The following MGAT4C variants were observed in gnomAD, a reference collection of about 807,000 sequenced individuals.
The protein encoded by MGAT4C is MGAT4 family member C, also known as alpha-1,3-mannosyl-glycoprotein 4-beta-N-acetylglucosaminyltransferase C.
MGAT4C carries 19 observed loss-of-function variants against 40.1 expected under a neutral mutation model. The ratio of observed to expected loss-of-function variants is 0.47; its 90% CI spans 0.33 to 0.70. The LOEUF (loss-of-function observed/expected upper bound fraction) is 0.70. Ranked by LOEUF, MGAT4C falls within the 30% of genes least tolerant of loss-of-function variation. MGAT4C has a pLI of 0.02. For missense variants in MGAT4C, 491 were observed against 563.2 expected (o/e 0.87, Z 1.30); for synonymous variants, 181 against 187.1 (o/e 0.97, Z 0.27).
intron 2 of MGAT4C, among the ~76,000 whole-genome samples, chr12:86,483,520 G>A (rs1287013364): frequency 6.6e-6 from 1 of 151,980 alleles, no homozygotes; most frequent in African/African-American, 2.4e-5. Context: ...TTTGTGGAGT[G>A]CAAATTATTG....
intron 3 of MGAT4C, among the ~76,000 whole-genome samples, chr12:86,420,916 T>C (rs1262363634): frequency 1.3e-5 from 2 of 151,290 alleles, no homozygotes; most frequent in African/African-American, 4.8e-5. Context: ...TATATGTGTA[T>C]ATATACATAC....
intron 3 of MGAT4C, among the ~76,000 whole-genome samples, chr12:86,353,930 G>A (rs1278510103): frequency 6.6e-6 from 1 of 152,096 alleles, no homozygotes; most frequent in Admixed American, 6.6e-5. Context: ...CCGGTATTTA[G>A]AGAGTACAAG....
intron 2 of MGAT4C, among the ~76,000 whole-genome samples, chr12:86,603,742 T>C (rs1204067603): frequency 2.3e-5 from 3 of 131,982 alleles, no homozygotes; most frequent in Non-Finnish European, 3.1e-5. Context: ...TTATATATAC[T>C]ATATATTATA....
intron 2 of MGAT4C, among the ~76,000 whole-genome samples, chr12:86,674,823 A>T (rs1443949839): frequency 6.6e-6 from 1 of 152,204 alleles, no homozygotes; most frequent in African/African-American, 2.4e-5. Context: ...GTAAATAGTA[A>T]CCACTTTTAT....
At chr12:86,619,990 G>A (rs770983470) in intron 2 of MGAT4C, among the ~76,000 whole-genome samples, 3 of 152,044 alleles carry the variant, frequency 2.0e-5, no homozygotes, top group East Asian at 3.8e-4. Flanking sequence ...GCCAAGAAAC[G>A]TGAATAAAAT....
intron 3 of MGAT4C, among the ~76,000 whole-genome samples, chr12:86,359,744 T>C (rs1038076738): frequency 6.6e-6 from 1 of 151,968 alleles, no homozygotes; most frequent in Non-Finnish European, 1.5e-5. Context: ...AAATGGAAAA[T>C]TCCTGGACAC....
chr12:86,668,200 A>G (rs1405257177), intron 2 of MGAT4C, among the ~76,000 whole-genome samples: 1 of 152,192 alleles, frequency 6.6e-6, no homozygotes, highest in Non-Finnish European at 1.5e-5. Context: ...TGGAAATAGC[A>G]AGATAGCACA....
chr12:86,612,445 A>G (rs1374404240), intron 2 of MGAT4C, among the ~76,000 whole-genome samples: 2 of 152,112 alleles, frequency 1.3e-5, no homozygotes, highest in Non-Finnish European at 2.9e-5. Flanking sequence ...AAGAAGAAAA[A>G]GACAATTTAA....
At chr12:86,777,185 T>C (rs1951761891) in intron 1 of MGAT4C, among the ~76,000 whole-genome samples, 1 of 152,224 alleles carries the variant, frequency 6.6e-6, no homozygotes, top group African/African-American at 2.4e-5. Flanking sequence ...AAATTTTAGG[T>C]ATTTATATTT....
At chr12:86,754,379 G>A (rs1339984026) in intron 1 of MGAT4C, among the ~76,000 whole-genome samples, 1 of 152,196 alleles carries the variant, frequency 6.6e-6, no homozygotes, top group African/African-American at 2.4e-5. Flanking sequence ...AATGGGGTGA[G>A]ATGCATATTC....
chr12:85,989,325 AGGCTACAATG>A, intron 3 of MGAT4C, 65 bp downstream of exon 3: 1 of 1,337,968 alleles, frequency 7.5e-7, no homozygotes, highest in Non-Finnish European at 1.0e-6. Context: ...GATTGAAGTT[AGGCTACAATG>A]GGACTAATTC....
chr12:86,659,920 C>A, intron 2 of MGAT4C, among the ~76,000 whole-genome samples: 1 of 149,602 alleles, frequency 6.7e-6, no homozygotes, highest in Non-Finnish European at 1.5e-5. Flanking sequence ...ACTGCAAGAG[C>A]AGGGTGATTA....
chr12:86,116,217 G>T (rs887974687), intron 1 of MGAT4C, among the ~76,000 whole-genome samples: 6 of 151,922 alleles, frequency 3.9e-5, no homozygotes, highest in Non-Finnish European at 7.4e-5. Flanking sequence ...CTTTCTTCTC[G>T]ATGGGAAGCA....
intron 4 of MGAT4C, among the ~76,000 whole-genome samples, chr12:86,325,374 C>G (rs190471461): frequency 2.6e-5 from 4 of 151,976 alleles, no homozygotes; most frequent in African/African-American, 7.2e-5. Flanking sequence ...TAGAGCTACA[C>G]TATGTAGAGT....
At chr12:86,310,171 C>G (rs1460023965) in intron 4 of MGAT4C, among the ~76,000 whole-genome samples, 1 of 150,488 alleles carries the variant, frequency 6.6e-6, no homozygotes, top group Non-Finnish European at 1.5e-5. Context: ...TTTTTTTTGC[C>G]TGAGGTCAGG....
At chr12:86,834,128 C>A (rs887416284) in intron 1 of MGAT4C, among the ~76,000 whole-genome samples, 17 of 151,382 alleles carry the variant, frequency 1.1e-4, no homozygotes, top group Non-Finnish European at 1.5e-4. Flanking sequence ...ATATCTATCT[C>A]TATCTGTCTA....
rs968317222 is a variant in MGAT4C at position 85,959,207 on chromosome 12, T to C, written c.*20082A>G. ...AATCACATGTTTTATACCCATTGCT[T>C]TGAAGAAGAAACCTTAAGCAACTAG... On this transcript the variant is annotated 3_prime_UTR_variant, in exon 5 of 5. Transcript: ENST00000611864. 1.3e-5 allele frequency: 2 copies of C among 152,032 alleles called. No homozygotes were observed. Among genetic ancestry groups the C allele is most frequent in the African/African-American group, 4.8e-5 (2 of 41,412 alleles). The allele number at this position is 152,032 out of a possible 1,614,324, so 9.4% of individuals were successfully genotyped here.
intron 2 of MGAT4C, among the ~76,000 whole-genome samples, chr12:86,534,878 A>G (rs1959043742): frequency 6.6e-6 from 1 of 152,282 alleles, no homozygotes; most frequent in Admixed American, 6.5e-5. Flanking sequence ...TAAATAAAGC[A>G]AGGCCTCCCT....
At position 85,962,478 on chromosome 12, in the gene MGAT4C, G is replaced by T. The variant is rs1269908977; in HGVS notation, c.*16811C>A. ...AAAATATTAACAATAATTGAACATT[G>T]TTTACTTTTTTATCCTCACAACAAT... On this transcript the variant is annotated 3_prime_UTR_variant, in exon 5 of 5. Transcript: ENST00000611864. 6.8e-6 allele frequency: 1 copy of T among 147,982 alleles called. No individual in the cohort carries two copies. Among genetic ancestry groups the T allele is most frequent in the East Asian group, 2.0e-4 (1 of 5,086 alleles). 9.2% of individuals were successfully genotyped at this position (147,982 alleles called of 1,614,324 possible).
Sources: gnomAD v4.1 joint callset for allele counts (sites outside exome capture counted in the v4.1 genomes callset) on GRCh38, gnomAD v4.1.1 for gene constraint, MANE v1.5 for transcripts, NCBI Gene and HGNC (gene_info 2026-07-23, HGNC 2026-07-21) for gene names.